ZNF275: variants seen among roughly 807,000 people sequenced by gnomAD.
The protein encoded by ZNF275 is zinc finger protein 275.
ZNF275 carries 4 observed loss-of-function variants against 4.3 expected under a neutral mutation model. The ratio of observed to expected loss-of-function variants is 0.93; its 90% CI spans 0.46 to 2.13. ZNF275 has a LOEUF of 2.13. Among genes scored for constraint, ZNF275 ranks in the 30% most tolerant of loss-of-function variants. The pLI is 0.02. For synonymous variants in ZNF275, 173 were observed against 166.9 expected, an observed-to-expected ratio of 1.04 and a Z score of -0.28; for missense variants, 352 against 397.1, an observed-to-expected ratio of 0.89 and a Z score of 0.97.
In ZNF275 at chrX:153,347,719, G is replaced by A; in HGVS notation, c.1034G>A (p.Gly345Asp). 1 of 1,209,601 alleles carries A rather than the reference G, an allele frequency of 8.3e-7. No individual in the cohort carries two copies. The highest frequency in any genetic ancestry group is 1.1e-6 in the Non-Finnish European group (1 of 894,381). ...SLLEHARIHS[G>D]ERPYACGECG... ...CTGGAGCACGCACGCATCCACAGTG[G>A]CGAGCGGCCCTACGCATGCGGCGAG... The change falls in exon 4 of 4, where the codon GGC becomes GAC. Residue 345 changes from glycine (G) to aspartate (D), a missense_variant. Gly to Asp is a moderately conservative substitution (Grantham distance 94, BLOSUM62 -1). Coordinates refer to ENST00000650114, the MANE Select transcript of ZNF275 (RefSeq NM_001367757.1).
intron 2 of ZNF275, among the ~76,000 whole-genome samples, chrX:153,340,105 C>G (rs1370079021): frequency 8.9e-6 from 1 of 112,141 alleles, no homozygotes; most frequent in Non-Finnish European, 1.9e-5. Context: ...GAATGTATAC[C>G]AGAGGAATCC....
chrX:153,347,028 C>T lies in ZNF275; in HGVS notation c.343C>T (p.Leu115=), dbSNP rs1556961659. 1 of 1,209,348 alleles carries T rather than the reference C, an allele frequency of 8.3e-7. No individual in the cohort carries two copies. Among genetic ancestry groups the T allele is most frequent in the African/African-American group, 1.8e-5 (1 of 56,947 alleles). The change falls in exon 4 of 4, where the codon CTG becomes TTG. Residue 115 remains leucine, a synonymous_variant. Transcript: ENST00000650114. ...ECGDTFRLKV[L]LVQHQRVHSE... is the part of the protein sequence containing the mutation. ...TGGGGACACCTTTCGGCTTAAAGTCCTGCTTGTCCAGCACCAGAGAGTCCA... is the reference window on the plus strand; with the variant it reads ...TGGGGACACCTTTCGGCTTAAAGTCTTGCTTGTCCAGCACCAGAGAGTCCA...
Position 153,347,720 on chromosome X carries a change from C to A in ZNF275, c.1035C>A (p.Gly345=). ...TGGAGCACGCACGCATCCACAGTGG[C>A]GAGCGGCCCTACGCATGCGGCGAGT... ...SLLEHARIHS[G]ERPYACGECG... is the part of the protein sequence containing the mutation. Residue 345 remains glycine, a synonymous_variant, in exon 4 of 4, where the codon GGC becomes GGA. Transcript: ENST00000650114. 8.3e-7 allele frequency: 1 copy of A among 1,208,478 alleles called. No individual in the cohort carries two copies. Among genetic ancestry groups the A allele is most frequent in the Non-Finnish European group, 1.1e-6 (1 of 893,924 alleles).
Position 153,347,950 on chromosome X carries a change from A to G in ZNF275, c.1265A>G (p.Lys422Arg), listed in dbSNP as rs782413122. 11 of 1,131,604 alleles carry G rather than the reference A, an allele frequency of 9.7e-6. No individual in the cohort carries two copies. In the South Asian group the frequency reaches 1.9e-4, roughly 20 times the overall value. The allele number at this position is 1,131,604 out of a possible 1,213,427, so 93.3% of individuals were successfully genotyped here. ...TTCAAGAGGCGCTCGGCACTGCAGA[A>G]GCATCAGCCAACCCACCACGAGTAG... The part of the protein sequence containing the change: ...RVFKRRSALQ[K>R]HQPTHHE The change falls in exon 4 of 4, where the codon AAG (lysine) becomes AGG (arginine). Residue 422 changes from lysine to arginine, a missense_variant. Lys to Arg is a conservative substitution (Grantham distance 26). Transcript: ENST00000650114.
chrX:153,334,627 T>C (rs1268453293), intron 1 of ZNF275, among the ~76,000 whole-genome samples: 7 of 109,809 alleles, frequency 6.4e-5, no homozygotes, highest in African/African-American at 2.3e-4. Flanking sequence ...CGCTAAAGTG[T>C]AGAGGCCTGC....
Position 153,348,006 on chromosome X carries a change from G to A in ZNF275, c.*31G>A, listed in dbSNP as rs782333939. On this transcript the variant is annotated 3_prime_UTR_variant, in exon 4 of 4. Transcript: ENST00000650114. ...CCCTGTGGTCCCGCGGGACAGGGAC[G>A]GAGTCCCCAGAGGGGATGGCAGAGT... 16 of 1,084,266 alleles carry A rather than the reference G, an allele frequency of 1.5e-5. No homozygotes were observed. The highest frequency in any genetic ancestry group is 1.5e-4 in the Admixed American group (4 of 27,157). The allele number at this position is 1,084,266 out of a possible 1,213,427, so 89.4% of individuals were successfully genotyped here.
Position 153,350,718 on chromosome X carries a change from A to C in ZNF275, c.*2743A>C, listed in dbSNP as rs1556962216. 1 of 124,438 alleles carries C rather than the reference A, an allele frequency of 8.0e-6. No individual in the cohort carries two copies. The highest frequency in any genetic ancestry group is 3.2e-5 in the African/African-American group (1 of 31,192). The allele number at this position is 124,438 out of a possible 1,213,427, so 10.3% of individuals were successfully genotyped here. Reference sequence around the variant, plus strand: ...CTGACCCCCAGGCTGGAGAGGAGCCAAAAGCACTTGTTACATAGTGATTCC... The same window carrying C: ...CTGACCCCCAGGCTGGAGAGGAGCCCAAAGCACTTGTTACATAGTGATTCC... On this transcript the variant is annotated 3_prime_UTR_variant, in exon 4 of 4. Coordinates refer to ENST00000650114, the MANE Select transcript of ZNF275 (RefSeq NM_001367757.1).
rs1035104227 is a variant in ZNF275, at chrX:153,347,932, G to C, written c.1247G>C (p.Arg416Thr). 2.3e-5 allele frequency: 27 copies of C among 1,154,148 alleles called. No homozygotes were observed. The highest frequency in any genetic ancestry group is 2.8e-5 in the Non-Finnish European group (24 of 864,899). ...AGCCAGTGTGGCCGCGTGTTCAAGA[G>C]GCGCTCGGCACTGCAGAAGCATCAG... ...ECSQCGRVFK[R>T]RSALQKHQPT... The change falls in exon 4 of 4, where the codon AGG (arginine) becomes ACG (threonine). Residue 416 changes from arginine (R) to threonine (T), a missense_variant. Coordinates refer to ENST00000650114, the MANE Select transcript of ZNF275 (RefSeq NM_001367757.1).
Position 153,347,124 on chromosome X carries a change from C to T in ZNF275, c.439C>T (p.His147Tyr). The T allele has an allele frequency of 8.3e-7, 1 of 1,210,879 alleles. No homozygotes were observed. The highest frequency in any genetic ancestry group is 1.1e-6 in the Non-Finnish European group (1 of 895,006). The change falls in exon 4 of 4, where the codon CAC becomes TAC. Residue 147 changes from histidine (H) to tyrosine (Y), a missense_variant. His to Tyr is a moderately conservative substitution (Grantham distance 83). Coordinates refer to ENST00000650114, the MANE Select transcript of ZNF275 (RefSeq NM_001367757.1). ...VFRGVAEFNE[H>Y]RKSHVAAEPQ... The stretch of plus-strand genomic sequence containing the variant: ...TAGGGGGGTGGCGGAGTTTAATGAG[C>T]ACAGGAAAAGCCACGTAGCTGCGGA...
chrX:153,338,037 C>T (rs1055147137), intron 2 of ZNF275, among the ~76,000 whole-genome samples: 2 of 111,189 alleles, frequency 1.8e-5, no homozygotes, highest in South Asian at 3.9e-4. Context: ...GGAATTCCTT[C>T]GACCTTGATT....
In ZNF275 at chrX:153,347,872, G is replaced by T; in HGVS notation, c.1187G>T (p.Arg396Leu). ...CGGAGCTCCGGCCTCAGTCGCCACC[G>T]GCGGATCCACAGTGGGGCGCGGCGC... ...FRRSSGLSRHRRIHSGARRCE... is the reference protein window; with the variant it reads ...FRRSSGLSRHLRIHSGARRCE... Residue 396 changes from arginine (R) to leucine (L), a missense_variant, in exon 4 of 4, where the codon CGG becomes CTG. Transcript: ENST00000650114. 8.3e-7 allele frequency: 1 copy of T among 1,202,450 alleles called. No homozygotes were observed. Among genetic ancestry groups the T allele is most frequent in the Non-Finnish European group, 1.1e-6 (1 of 890,611 alleles).
At position 153,345,505 on chromosome X, in the gene ZNF275, C is replaced by T; in HGVS notation, c.32-15C>T. The T allele has an allele frequency of 3.4e-6, 4 of 1,191,453 alleles. No individual in the cohort carries two copies. Among genetic ancestry groups the T allele is most frequent in the Non-Finnish European group, 4.6e-6 (4 of 877,257 alleles). On this transcript the variant is annotated splice_polypyrimidine_tract_variant and intron_variant, in intron 2 of 3. Coordinates refer to ENST00000650114, the MANE Select transcript of ZNF275 (RefSeq NM_001367757.1). ...TCTGGCTGTTGCCATAACCAATCTC[C>T]TTTCCCATGAGCAGGCGTTCCTGTT...
At chrX:153,334,317 G>C (rs1270555661) in intron 1 of ZNF275, 32 bp downstream of exon 1, 3 of 111,833 alleles carry the variant, frequency 2.7e-5, no homozygotes, top group African/African-American at 9.7e-5. Context: ...GGATGTGCGG[G>C]GGGCGCTGGA....
At position 153,347,702 on chromosome X, in the gene ZNF275, C is replaced by T. The variant is rs372138739; in HGVS notation, c.1017C>T (p.His339=). The T allele has an allele frequency of 1.2e-5, 15 of 1,208,636 alleles. No individual in the cohort carries two copies. Among genetic ancestry groups the T allele is most frequent in the Middle Eastern group, 2.3e-4 (1 of 4,372 alleles). Residue 339 remains histidine (H), a synonymous_variant, in exon 4 of 4, where the codon CAC becomes CAT. Transcript: ENST00000650114. ...AFRQSSSLLE[H]ARIHSGERPY... is the part of the protein sequence containing the mutation. ...GCCAGAGCTCCAGCCTCCTGGAGCACGCACGCATCCACAGTGGCGAGCGGC... is the reference window on the plus strand; with the variant it reads ...GCCAGAGCTCCAGCCTCCTGGAGCATGCACGCATCCACAGTGGCGAGCGGC...
intron 1 of ZNF275, among the ~76,000 whole-genome samples, chrX:153,334,544 C>A (rs1365819738): frequency 9.0e-6 from 1 of 110,737 alleles, no homozygotes; most frequent in African/African-American, 3.3e-5. Context: ...GGGAACGGGT[C>A]CCGGATGACG....
rs1243139181 is a variant in ZNF275 at position 153,349,158 on chromosome X, G to A, written c.*1183G>A. 3 of 123,746 alleles carry A rather than the reference G, an allele frequency of 2.4e-5. No individual in the cohort carries two copies. The Admixed American group carries it at 2.8e-4, about 12-fold the overall frequency. 10.2% of individuals were successfully genotyped at this position (123,746 alleles called of 1,213,427 possible). A position where few individuals can be genotyped will look rare whatever the true frequency, so the allele number is the denominator to read the frequency against. On this transcript the variant is annotated 3_prime_UTR_variant, in exon 4 of 4. Coordinates refer to ENST00000650114, the MANE Select transcript of ZNF275 (RefSeq NM_001367757.1). ...CTAGATGGTACTTCTCCAGCCTTCC[G>A]TTTCTTGTTCTATAAAACAGGGGTG...
intron 1 of ZNF275, 95 bp from the exon 2 acceptor site, chrX:153,336,539 C>A (rs1378307086): frequency 1.3e-5 from 8 of 593,272 alleles, no homozygotes; most frequent in Admixed American, 2.8e-5. Flanking sequence ...CTGTATCTGG[C>A]CCAGTTCAGT....
At chrX:153,339,294 T>C (rs1569527868) in intron 2 of ZNF275, among the ~76,000 whole-genome samples, 1 of 111,219 alleles carries the variant, frequency 9.0e-6, no homozygotes, top group East Asian at 2.8e-4. Context: ...TTTCATTGGA[T>C]AGTTTTTAGT....
chrX:153,343,456 A>T (rs782466999), intron 2 of ZNF275: 1 of 347,055 alleles, frequency 2.9e-6, no homozygotes, highest in Non-Finnish European at 5.7e-6. Flanking sequence ...GAAGAAGAAG[A>T]TAATTTGTAC....
Sources: gnomAD v4.1 joint callset for allele counts (sites outside exome capture counted in the v4.1 genomes callset) on GRCh38, gnomAD v4.1.1 for gene constraint, MANE v1.5 for transcripts, NCBI Gene and HGNC (gene_info 2026-07-23, HGNC 2026-07-21) for gene names.